The following WASL variants were observed in gnomAD, a reference collection of about 807,000 sequenced individuals.
The protein encoded by WASL is WASP like actin nucleation promoting factor.
In WASL, 20 loss-of-function variants were observed where a neutral mutation model predicts 55.5. The observed-to-expected ratio is 0.36, with a 90% CI of 0.25 to 0.52. The LOEUF is 0.52. Ranked by LOEUF, WASL falls within the 20% of genes least tolerant of loss-of-function variation. The pLI, the probability that WASL is intolerant of heterozygous loss-of-function variation, is 0.92. For synonymous variants in WASL, 249 were observed against 217.6 expected (o/e 1.14, Z -1.27); for missense variants, 504 against 622.5 (o/e 0.81, Z 2.03).
chr7:123,690,150 C>T (rs1331672276), intron 9 of WASL, among the ~76,000 whole-genome samples: 3 of 152,118 alleles, frequency 2.0e-5, no homozygotes, highest in African/African-American at 7.2e-5. Context: ...CAAGGAGGTA[C>T]AACAGCGGTA....
At chr7:123,747,818 C>T (rs1804459964) in intron 1 of WASL, among the ~76,000 whole-genome samples, 1 of 152,116 alleles carries the variant, frequency 6.6e-6, no homozygotes, top group Non-Finnish European at 1.5e-5. Context: ...TTCCCCTTCC[C>T]ACAGCAGAAC....
At chr7:123,686,025 G>A (rs1348927845) in intron 10 of WASL, among the ~76,000 whole-genome samples, 1 of 150,736 alleles carries the variant, frequency 6.6e-6, no homozygotes, top group Admixed American at 6.6e-5. Context: ...ACAGAACACA[G>A]AACAATCTTT....
chr7:123,689,561 C>T (rs1310401679), intron 9 of WASL, among the ~76,000 whole-genome samples: 1 of 152,138 alleles, frequency 6.6e-6, no homozygotes, highest in African/African-American at 2.4e-5. Flanking sequence ...GGGACGCACA[C>T]TGAAGATATT....
chr7:123,690,423 T>G, intron 9 of WASL, among the ~76,000 whole-genome samples: 1 of 152,152 alleles, frequency 6.6e-6, no homozygotes, highest in East Asian at 1.9e-4. Context: ...TAAAGAAACA[T>G]AGCCATAGAA....
Position 123,748,762 on chromosome 7 carries a change from G to C in WASL, c.-28C>G, listed in dbSNP as rs570571205. 27 of 1,528,256 alleles carry C rather than the reference G, an allele frequency of 1.8e-5. No homozygotes were observed. The East Asian group carries it at 6.3e-4, about 36-fold the overall frequency. 94.7% of individuals were successfully genotyped at this position (1,528,256 alleles called of 1,614,324 possible). A position where few individuals can be genotyped will look rare whatever the true frequency, so the allele number is the denominator to read the frequency against. On this transcript the variant is annotated 5_prime_UTR_variant, in exon 1 of 11. Transcript: ENST00000223023. Reference sequence around the variant, plus strand: ...TTTCGCCGGCGGGGTTGGGAGTCCAGGGCCGTCTCCTCCGGCGAGTGGGCG... The same window carrying C: ...TTTCGCCGGCGGGGTTGGGAGTCCACGGCCGTCTCCTCCGGCGAGTGGGCG...
chr7:123,689,121 T>C lies in WASL; in HGVS notation c.1377A>G (p.Pro459=), dbSNP rs1803352143. The C allele has an allele frequency of 1.2e-6, 2 of 1,613,834 alleles. No homozygotes were observed. The highest frequency in any genetic ancestry group is 8.5e-7 in the Non-Finnish European group (1 of 1,179,952). ...SVADGQESTP[P]TPAPTSGIVG... is the part of the protein sequence containing the mutation. ...CAATTCCTGAAGTGGGTGCAGGTGT[T>C]GGTGGTGTAGACTCTTGGCCATCAG... Residue 459 remains proline (P), a synonymous_variant, in exon 10 of 11, where the codon CCA becomes CCG. Transcript: ENST00000223023.
chr7:123,696,648 T>G lies in WASL; in HGVS notation c.560A>C (p.Glu187Ala). The G allele has an allele frequency of 6.2e-7, 1 of 1,604,928 alleles. No individual in the cohort carries two copies. Among genetic ancestry groups the G allele is most frequent in the Non-Finnish European group, 8.5e-7 (1 of 1,175,394 alleles). The change falls in exon 6 of 11, where the codon GAA becomes GCA. Residue 187 changes from glutamate to alanine, a missense_variant. By Grantham distance (107) the Glu-to-Ala change is moderately radical. Around this residue, in one of 5 missense-constraint regions of WASL, gnomAD observed 230 missense variants for 271.9 expected, o/e 0.85. Coordinates refer to ENST00000223023, the MANE Select transcript of WASL (RefSeq NM_003941.4). ...PQVNNISHTKEKKKGKAKKKR... is the reference protein window; with the variant it reads ...PQVNNISHTKAKKKGKAKKKR... ...CTTTTTAGCTTTTCCCTTCTTCTTT[T>G]CTTTGGTATGGGAGATGTTGTTGAC...
chr7:123,727,353 T>TCGCACACA (rs1554406247), intron 1 of WASL, among the ~76,000 whole-genome samples: 3 of 147,710 alleles, frequency 2.0e-5, no homozygotes, highest in South Asian at 2.2e-4. Context: ...AAAATATGTG[T>TCGCACACA]CACACACACA....
chr7:123,688,968 A>T, intron 10 of WASL, 74 bp downstream of exon 10: 1 of 1,274,076 alleles, frequency 7.8e-7, no homozygotes, highest in East Asian at 2.3e-5. Context: ...AGAACGTCAA[A>T]CATTCAAATT....
chr7:123,699,204 T>C (rs1803538735), intron 5 of WASL, among the ~76,000 whole-genome samples: 1 of 151,902 alleles, frequency 6.6e-6, no homozygotes. Flanking sequence ...GCCAATATGG[T>C]GAAACCGCGC....
intron 1 of WASL, among the ~76,000 whole-genome samples, chr7:123,711,678 T>C (rs533848948): frequency 2.0e-5 from 3 of 152,286 alleles, no homozygotes; most frequent in African/African-American, 7.2e-5. Flanking sequence ...ACACTCTAGA[T>C]TGACAGTGAC....
At chr7:123,737,349 G>C (rs1175102181) in intron 1 of WASL, among the ~76,000 whole-genome samples, 3 of 152,092 alleles carry the variant, frequency 2.0e-5, no homozygotes, top group Non-Finnish European at 4.4e-5. Flanking sequence ...TGTAATCCCA[G>C]CACTCTGGGA....
At chr7:123,709,785 C>A (rs1038057792) in intron 1 of WASL, among the ~76,000 whole-genome samples, 1 of 152,120 alleles carries the variant, frequency 6.6e-6, no homozygotes, top group African/African-American at 2.4e-5. Flanking sequence ...AACTTGAAAG[C>A]AGTATTACCA....
At chr7:123,687,479 C>A (rs190316522) in intron 10 of WASL, among the ~76,000 whole-genome samples, 1 of 152,218 alleles carries the variant, frequency 6.6e-6, no homozygotes, top group Admixed American at 6.5e-5. Flanking sequence ...TTCTTTCCAT[C>A]GGATACACTT....
intron 1 of WASL, among the ~76,000 whole-genome samples, chr7:123,719,719 C>G (rs1803905595): frequency 6.6e-6 from 1 of 152,202 alleles, no homozygotes; most frequent in Admixed American, 6.5e-5. Flanking sequence ...TGTATCCTGG[C>G]AGTCAGCTCC....
intron 8 of WASL, among the ~76,000 whole-genome samples, chr7:123,693,908 T>C (rs1209279079): frequency 2.0e-5 from 3 of 152,182 alleles, no homozygotes; most frequent in Non-Finnish European, 4.4e-5. Context: ...CTGAGACTAG[T>C]ACTGGCATAA....
At chr7:123,711,193 A>G (rs925124744) in intron 1 of WASL, among the ~76,000 whole-genome samples, 2 of 152,160 alleles carry the variant, frequency 1.3e-5, no homozygotes, top group Non-Finnish European at 2.9e-5. Context: ...TCCCCTTGCT[A>G]GCCAAAGGAC....
At chr7:123,693,195 G>A (rs1803441224) in intron 8 of WASL, among the ~76,000 whole-genome samples, 1 of 152,010 alleles carries the variant, frequency 6.6e-6, no homozygotes, top group African/African-American at 2.4e-5. Flanking sequence ...ATATACCAAT[G>A]AAATTAAACA....
chr7:123,731,145 A>C (rs1804129621), intron 1 of WASL, among the ~76,000 whole-genome samples: 1 of 152,228 alleles, frequency 6.6e-6, no homozygotes, highest in Non-Finnish European at 1.5e-5. Context: ...TATGCTTCAG[A>C]GTAAGTATGT....
Sources: gnomAD v4.1 joint callset for allele counts (sites outside exome capture counted in the v4.1 genomes callset) on GRCh38, gnomAD v4.1.1 for gene constraint, gnomAD v4.1.1 regional missense constraint, MANE v1.5 for transcripts, NCBI Gene and HGNC (gene_info 2026-07-23, HGNC 2026-07-21) for gene names.